The following NXN variants were observed in gnomAD, a reference collection of about 807,000 sequenced individuals.
The protein encoded by NXN is nucleoredoxin.
Under a neutral mutation model 48.6 loss-of-function variants are expected in NXN, and 16 were observed. The ratio of observed to expected loss-of-function variants is 0.33; its 90% CI spans 0.22 to 0.50. The LOEUF (loss-of-function observed/expected upper bound fraction) is 0.50, where lower values mean the gene tolerates loss of function less well. Among genes scored for constraint, NXN ranks in the 20% least tolerant of loss-of-function variants. The probability of loss-of-function intolerance (pLI) is 0.98; values close to 1 mark genes in which losing one functional copy is unlikely to be tolerated. For missense variants in NXN, 492 were observed against 605.5 expected, an observed-to-expected ratio of 0.81 and a Z score of 1.97; for synonymous variants, 281 against 269.6, an observed-to-expected ratio of 1.04 and a Z score of -0.41.
chr17:953,217 C>T (rs1200421982), intron 1 of NXN, among the ~76,000 whole-genome samples: 1 of 152,126 alleles, frequency 6.6e-6, no homozygotes, highest in East Asian at 1.9e-4. Context: ...GAGTTTGAGA[C>T]CAGCCTGGCC....
chr17:823,541 G>A, intron 3 of NXN, 91 bp downstream of exon 3: 1 of 1,467,698 alleles, frequency 6.8e-7, no homozygotes, highest in Non-Finnish European at 9.3e-7. Flanking sequence ...TCCTGCCTGG[G>A]TGTCTCACCC....
At chr17:918,146 T>C (rs1174685838) in intron 1 of NXN, among the ~76,000 whole-genome samples, 1 of 152,050 alleles carries the variant, frequency 6.6e-6, no homozygotes, top group Non-Finnish European at 1.5e-5. Flanking sequence ...ACGAGAACAC[T>C]CAATATCACC....
intron 1 of NXN, among the ~76,000 whole-genome samples, chr17:950,740 G>A (rs919090119): frequency 9.9e-5 from 15 of 152,124 alleles, no homozygotes; most frequent in South Asian, 6.2e-4. Context: ...CCGAGTGGAC[G>A]GACGTGAGCA....
rs559880922 is a variant in NXN, at chr17:815,868, G to A, written c.820+3571C>T. On this transcript the variant is annotated intron_variant, in intron 5 of 7. Transcript: ENST00000336868. ...ACTTTGTACACACCTGTGCACACAC[G>A]TGCACACACAGAGGCCAGTAGGGAG... 1.2e-4 allele frequency among the ~76,000 whole-genome samples: 18 copies of A among 152,300 alleles called. No homozygotes were observed. In the South Asian group the frequency reaches 1.2e-3, roughly 11 times the overall value.
At position 956,513 on chromosome 17, in the gene NXN, C is replaced by A. The variant is rs954493944; in HGVS notation, c.360+22806G>T. On this transcript the variant is annotated intron_variant, in intron 1 of 7. Coordinates refer to ENST00000336868, the MANE Select transcript of NXN (RefSeq NM_022463.5). This position sits in a 1 kb window ranked among gnomAD's most constrained non-coding sequence, Gnocchi z 4.1. ...ACTGCAACCTCCACCTCCCGGGTTC[C>A]CGCCATTCTCCTGCCTCAGCCTCCC... Among the ~76,000 whole-genome samples, 6 of 152,088 alleles carry A rather than the reference C, an allele frequency of 3.9e-5. No homozygotes were observed. The highest frequency in any genetic ancestry group is 1.3e-4 in the Admixed American group (2 of 15,258).
chr17:974,059 T>C (rs1257285544), intron 1 of NXN, among the ~76,000 whole-genome samples: 1 of 151,708 alleles, frequency 6.6e-6, no homozygotes, highest in Non-Finnish European at 1.5e-5. Flanking sequence ...AGTTTAAAAA[T>C]ATACCTCATG....
At chr17:826,364 G>A (rs1913103121) in intron 1 of NXN, among the ~76,000 whole-genome samples, 1 of 152,140 alleles carries the variant, frequency 6.6e-6, no homozygotes, top group Non-Finnish European at 1.5e-5. Context: ...GGAGGCTGAT[G>A]ACCCCACTGG....
At position 862,620 on chromosome 17, in the gene NXN, G is replaced by A. The variant is rs75278051; in HGVS notation, c.361-36542C>T. Reference sequence around the variant, plus strand: ...TTACTGGGAGGAGAACATTCCTACGGTCCTAAAGTATCACACCACTTACTG... The same window carrying A: ...TTACTGGGAGGAGAACATTCCTACGATCCTAAAGTATCACACCACTTACTG... On this transcript the variant is annotated intron_variant, in intron 1 of 7. Coordinates refer to ENST00000336868, the MANE Select transcript of NXN (RefSeq NM_022463.5). Among the ~76,000 whole-genome samples, 1,208 of 152,314 alleles carry A rather than the reference G, an allele frequency of 7.9e-3. 12 individuals carry two copies. Among genetic ancestry groups the A allele is most frequent in the East Asian group, 0.035 (181 of 5,192 alleles).
rs1361535440 is a variant in NXN, at chr17:841,473, C to T, written c.361-15395G>A. Among the ~76,000 whole-genome samples, 8 of 145,470 alleles carry T rather than the reference C, an allele frequency of 5.5e-5. No homozygotes were observed. The East Asian group carries it at 8.1e-4, about 15-fold the overall frequency. On this transcript the variant is annotated intron_variant, in intron 1 of 7. Transcript: ENST00000336868. ...CTGACCACGGCGCATCTCACACGGG[C>T]GAGCAGGTCCCCCCTGACCACGGCG...
chr17:855,363 A>AG (rs1331393507), intron 1 of NXN, among the ~76,000 whole-genome samples: 2 of 152,198 alleles, frequency 1.3e-5, no homozygotes, highest in African/African-American at 4.8e-5. Flanking sequence ...ATAGCGCCCA[A>AG]GGGGCTCCAG....
chr17:839,003 A>AG (rs2144697873), intron 1 of NXN, among the ~76,000 whole-genome samples: 1 of 152,310 alleles, frequency 6.6e-6, no homozygotes, highest in Admixed American at 6.5e-5. Flanking sequence ...ATGAACCACC[A>AG]GGGGAACTCC....
At chr17:912,733 AC>A (rs1257287243) in intron 1 of NXN, among the ~76,000 whole-genome samples, 2 of 152,196 alleles carry the variant, frequency 1.3e-5, no homozygotes, top group East Asian at 3.9e-4. Flanking sequence ...CGGGCGGATC[AC>A]CTGAGGTCAG....
rs373626666 is a variant in NXN, at chr17:819,496, C to T, written c.763G>A (p.Val255Ile). 24 of 1,612,864 alleles carry T rather than the reference C, an allele frequency of 1.5e-5. No individual in the cohort carries two copies. The highest frequency in any genetic ancestry group is 6.7e-5 in the African/African-American group (5 of 74,854). The stretch of plus-strand genomic sequence containing the variant: ...CGCCGGGCCTCATCCGTGTAGGGGA[C>T]GGCGAGCCAGGGCATCTCACTGAAG... Reference protein sequence around the residue: ...QYFSEMPWLAVPYTDEARRSR... With the variant: ...QYFSEMPWLAIPYTDEARRSR... The change falls in exon 5 of 8, where the codon GTC (valine) becomes ATC (isoleucine). Residue 255 changes from valine (V) to isoleucine (I), a missense_variant. Physicochemically the swap from Val to Ile is conservative, Grantham distance 29. Transcript: ENST00000336868.
At chr17:929,238 T>C (rs1007767033) in intron 1 of NXN, among the ~76,000 whole-genome samples, 2 of 152,224 alleles carry the variant, frequency 1.3e-5, no homozygotes, top group African/African-American at 4.8e-5. Context: ...CCCTCCACTC[T>C]GTCCCCCACC....
chr17:978,074 G>T lies in NXN; in HGVS notation c.360+1245C>A, dbSNP rs1206074721. ...TTTGGGGTCACAGTGTAAGCCTTTT[G>T]CTCCCAGTAAATCTAAATCATGCTT... On this transcript the variant is annotated intron_variant, in intron 1 of 7. Transcript: ENST00000336868. The surrounding 1 kb of genome is among the most constrained non-coding windows in gnomAD (Gnocchi z 4.1). Among the ~76,000 whole-genome samples the T allele has an allele frequency of 2.6e-5, 4 of 152,146 alleles. No individual in the cohort carries two copies. Among genetic ancestry groups the T allele is most frequent in the Non-Finnish European group, 5.9e-5 (4 of 68,038 alleles).
chr17:974,800 CTTA>C (rs1479199099), intron 1 of NXN, among the ~76,000 whole-genome samples: 1 of 150,196 alleles, frequency 6.7e-6, no homozygotes, highest in Non-Finnish European at 1.5e-5. Context: ...GAACATTGCT[CTTA>C]TTACTTTATT....
chr17:923,807 G>A (rs1322262362), intron 1 of NXN, among the ~76,000 whole-genome samples: 1 of 152,192 alleles, frequency 6.6e-6, no homozygotes, highest in African/African-American at 2.4e-5. Flanking sequence ...CAACCTCATC[G>A]GGGGTCAGGA....
chr17:856,363 T>C (rs2067986146), intron 1 of NXN, among the ~76,000 whole-genome samples: 1 of 152,186 alleles, frequency 6.6e-6, no homozygotes. Context: ...ATGGAGGTCT[T>C]TCCCTCTGGG....
intron 1 of NXN, among the ~76,000 whole-genome samples, chr17:976,380 G>T (rs528142393): frequency 7.2e-5 from 11 of 152,152 alleles, no homozygotes; most frequent in African/African-American, 2.4e-4. Flanking sequence ...TTAGAGAAAT[G>T]CCAGCCAATA....
Sources: gnomAD v4.1 joint callset for allele counts (sites outside exome capture counted in the v4.1 genomes callset) on GRCh38, gnomAD v4.1.1 for gene constraint, Gnocchi (gnomAD v3.1) non-coding constraint, MANE v1.5 for transcripts, NCBI Gene and HGNC (gene_info 2026-07-23, HGNC 2026-07-21) for gene names.